Variants in GIN1 observed in about 807,000 individuals in gnomAD.
GIN1 encodes the protein gypsy retrotransposon integrase 1.
GIN1 carries 41 observed loss-of-function variants against 51.4 expected under a neutral mutation model. The observed-to-expected ratio is 0.80, with a 90% CI of 0.62 to 1.04. The LOEUF (loss-of-function observed/expected upper bound fraction) is 1.04. Ranked by LOEUF, GIN1 falls within the 50% of genes least tolerant of loss-of-function variation. The pLI, the probability that GIN1 is intolerant of heterozygous loss-of-function variation, is 0.00. For synonymous variants in GIN1, 222 were observed against 206.5 expected (o/e 1.07, Z -0.64); for missense variants, 610 against 612.4 (o/e 1.00, Z 0.04).
chr5:103,108,106 C>T lies in GIN1; in HGVS notation c.139+463G>A, dbSNP rs533567279. 1.2e-4 allele frequency among the ~76,000 whole-genome samples: 19 copies of T among 152,136 alleles called. 1 individual carries two copies. The South Asian group carries it at 3.9e-3, about 31-fold the overall frequency. On this transcript the variant is annotated intron_variant, in intron 2 of 7. Transcript: ENST00000399004. Reference sequence around the variant, plus strand: ...CCAAGGGTCCTAAAATGAATGTGATCCTGAGAATATTTAATGGCAGTGGTG... The same window carrying T: ...CCAAGGGTCCTAAAATGAATGTGATTCTGAGAATATTTAATGGCAGTGGTG...
chr5:103,112,923 G>C (rs1787926979), intron 1 of GIN1, among the ~76,000 whole-genome samples: 1 of 151,762 alleles, frequency 6.6e-6, no homozygotes, highest in Admixed American at 6.6e-5. Flanking sequence ...GAGAGGAAAA[G>C]AGGAGGAAAT....
intron 4 of GIN1, among the ~76,000 whole-genome samples, chr5:103,100,534 A>G (rs1051939594): frequency 6.6e-6 from 1 of 151,756 alleles, no homozygotes; most frequent in African/African-American, 2.4e-5. Context: ...TGGGACTATG[A>G]GTGTGCAACA....
At chr5:103,106,268 T>C (rs1554196256) in intron 3 of GIN1, among the ~76,000 whole-genome samples, 1 of 152,168 alleles carries the variant, frequency 6.6e-6, no homozygotes, top group African/African-American at 2.4e-5. Context: ...ATATTTGGTT[T>C]TGGGTTTCTG....
At chr5:103,111,902 A>G (rs1787896558) in intron 1 of GIN1, among the ~76,000 whole-genome samples, 1 of 152,196 alleles carries the variant, frequency 6.6e-6, no homozygotes, top group South Asian at 2.1e-4. Context: ...TTAACGTGCC[A>G]TTAGGACACT....
chr5:103,113,800 G>A (rs978640042), intron 1 of GIN1, among the ~76,000 whole-genome samples: 6 of 152,112 alleles, frequency 3.9e-5, no homozygotes, highest in African/African-American at 1.4e-4. Flanking sequence ...GGGCTTACAG[G>A]TGTGAGCCAC....
intron 1 of GIN1, among the ~76,000 whole-genome samples, chr5:103,115,160 T>C (rs1787998331): frequency 6.6e-6 from 1 of 152,146 alleles, no homozygotes; most frequent in African/African-American, 2.4e-5. Context: ...GGAGACAGGA[T>C]AATAAACAAG....
intron 1 of GIN1, among the ~76,000 whole-genome samples, chr5:103,113,099 T>G (rs575039827): frequency 6.6e-6 from 1 of 152,136 alleles, no homozygotes; most frequent in African/African-American, 2.4e-5. Context: ...TAGCTCACAC[T>G]CACCTTCTAT....
rs1787671462 is a variant in GIN1 at position 103,104,622 on chromosome 5, A to G, written c.558T>C (p.Ser186=). 6.3e-7 allele frequency: 1 copy of G among 1,582,948 alleles called. No homozygotes were observed. The highest frequency in any genetic ancestry group is 1.3e-5 in the African/African-American group (1 of 74,318). ...PLCDVSASEV[S]KAIINIFFLY... is the part of the protein sequence containing the mutation. The stretch of plus-strand genomic sequence containing the variant: ...AGAAAAATATATTGATAATAGCTTT[A>G]GAAACTTCTGATGCTGAAACATCAC... Residue 186 remains serine, a synonymous_variant, in exon 4 of 8, where the codon TCT becomes TCC. Coordinates refer to ENST00000399004, the MANE Select transcript of GIN1 (RefSeq NM_017676.2).
At chr5:103,098,806 C>T (rs1317420057) in intron 4 of GIN1, among the ~76,000 whole-genome samples, 1 of 152,082 alleles carries the variant, frequency 6.6e-6, no homozygotes, top group African/African-American at 2.4e-5. Flanking sequence ...AAACAACCCA[C>T]TAGGTCATAA....
At chr5:103,103,522 G>T (rs1302175605) in intron 4 of GIN1, among the ~76,000 whole-genome samples, 3 of 152,198 alleles carry the variant, frequency 2.0e-5, no homozygotes, top group African/African-American at 7.2e-5. Context: ...TTTCAACCAA[G>T]TCTGGCTATC....
In GIN1 at chr5:103,104,678, A is replaced by G. The variant is rs782365856; in HGVS notation, c.502T>C (p.Phe168Leu). 2.6e-5 allele frequency: 42 copies of G among 1,612,722 alleles called. No homozygotes were observed. Among genetic ancestry groups the G allele is most frequent in the Non-Finnish European group, 3.5e-5 (41 of 1,178,848 alleles). ...GGCAAAATCACAATCCATTTGGTGA[A>G]CAAATCTGTCATGATTATAGCATAT... is the stretch of plus-strand genomic sequence containing the variant. ...HVYAIIMTDL[F>L]TKWIVILPLC... is the part of the protein sequence containing the mutation. Residue 168 changes from phenylalanine to leucine, a missense_variant, in exon 4 of 8, where the codon TTC becomes CTC. By Grantham distance (22) the Phe-to-Leu change is conservative. Coordinates refer to ENST00000399004, the MANE Select transcript of GIN1 (RefSeq NM_017676.2).
At chr5:103,095,315 G>A (rs1018791775) in intron 7 of GIN1, among the ~76,000 whole-genome samples, 5 of 152,046 alleles carry the variant, frequency 3.3e-5, no homozygotes, top group African/African-American at 1.2e-4. Flanking sequence ...TAATCTAAAA[G>A]CCATGGCAAA....
chr5:103,096,469 A>G, intron 7 of GIN1, 72 bp downstream of exon 7: 1 of 1,101,460 alleles, frequency 9.1e-7, no homozygotes, highest in Non-Finnish European at 1.3e-6. Context: ...AGAGGGGAGA[A>G]AGGTTTCTGT....
intron 7 of GIN1, among the ~76,000 whole-genome samples, chr5:103,090,432 T>C (rs7725641): frequency 0.046 from 7,005 of 152,264 alleles, 541 homozygotes; most frequent in African/African-American, 0.16. Context: ...ACTACCCTAC[T>C]GTTAATACGA....
intron 1 of GIN1, among the ~76,000 whole-genome samples, chr5:103,118,752 T>G (rs1788178479): frequency 1.2e-5 from 1 of 83,400 alleles, no homozygotes. Context: ...GAAAGTTGTT[T>G]TTTTTTTTTC....
chr5:103,094,768 T>C (rs1252061122), intron 7 of GIN1, among the ~76,000 whole-genome samples: 1 of 152,190 alleles, frequency 6.6e-6, no homozygotes, highest in Non-Finnish European at 1.5e-5. Flanking sequence ...GTATAACCTT[T>C]TTTTTCCCTA....
chr5:103,103,241 C>G (rs1787625356), intron 4 of GIN1, among the ~76,000 whole-genome samples: 1 of 152,182 alleles, frequency 6.6e-6, no homozygotes, highest in South Asian at 2.1e-4. Context: ...TAGTGAGCTT[C>G]CTTATGTTGT....
intron 4 of GIN1, among the ~76,000 whole-genome samples, chr5:103,104,219 T>C (rs1329013787): frequency 2.0e-5 from 3 of 152,152 alleles, no homozygotes; most frequent in African/African-American, 7.2e-5. Context: ...TCCTAAACTG[T>C]TGGGATTATA....
chr5:103,112,677 C>T (rs1554197020), intron 1 of GIN1, among the ~76,000 whole-genome samples: 1 of 152,180 alleles, frequency 6.6e-6, no homozygotes, highest in African/African-American at 2.4e-5. Context: ...CTCAATGAAG[C>T]AAGTGTTCCA....
Sources: allele counts gnomAD v4.1 joint callset (sites outside exome capture counted in the v4.1 genomes callset), GRCh38; gene constraint gnomAD v4.1.1; transcripts MANE v1.5; gene names NCBI Gene and HGNC (gene_info 2026-07-23, HGNC 2026-07-21).